BIRC6: variants seen among roughly 807,000 people sequenced by gnomAD.
The protein encoded by BIRC6 is dual E2 ubiquitin-conjugating enzyme/E3 ubiquitin-protein ligase BIRC6.
In BIRC6, 98 loss-of-function variants were observed where a neutral mutation model predicts 503.3. The ratio of observed to expected loss-of-function variants is 0.19; its 90% CI spans 0.17 to 0.23. BIRC6 has a LOEUF of 0.23. BIRC6 is among the 10% of genes least tolerant of loss of function. BIRC6 has a pLI of 1.00. For synonymous variants in BIRC6, 2,240 were observed against 2,078.7 expected (o/e 1.08, Z -2.11); for missense variants, 5,360 against 5,806.0 (o/e 0.92, Z 2.50).
At chr2:32,584,430 G>T (rs1488065061) in intron 66 of BIRC6, among the ~76,000 whole-genome samples, 1 of 152,144 alleles carries the variant, frequency 6.6e-6, no homozygotes, top group Admixed American at 6.6e-5. Flanking sequence ...CTGCTTGGGA[G>T]GCTGAGGCAA....
rs749323224 is a variant in BIRC6 at position 32,515,020 on chromosome 2, C to T, written c.10599C>T (p.Pro3533=). 6.2e-7 allele frequency: 1 copy of T among 1,613,608 alleles called. No individual in the cohort carries two copies. The highest frequency in any genetic ancestry group is 1.1e-5 in the South Asian group (1 of 91,048). Residue 3533 remains proline (P), a synonymous_variant, in exon 55 of 74, where the codon CCC becomes CCT. Transcript: ENST00000421745. ...TTTTTAATTGGTCCATGTCTCTTCCCTGCAATATGGTTTTGAAGAAAGCTG... is the reference window on the plus strand; with the variant it reads ...TTTTTAATTGGTCCATGTCTCTTCCTTGCAATATGGTTTTGAAGAAAGCTG... The part of the protein sequence containing the change: ...ELLFNWSMSL[P]CNMVLKKAVD...
At chr2:32,426,029 G>A (rs959341668) in intron 10 of BIRC6, among the ~76,000 whole-genome samples, 3 of 152,204 alleles carry the variant, frequency 2.0e-5, no homozygotes, top group Non-Finnish European at 4.4e-5. Context: ...AGGTCCCATA[G>A]TTCTGAAATA....
At chr2:32,575,050 G>T in intron 65 of BIRC6, 106 bp from the exon 66 acceptor site, 2 of 1,228,092 alleles carry the variant, frequency 1.6e-6, no homozygotes, top group Non-Finnish European at 2.4e-6. Flanking sequence ...GCCCAGCCGG[G>T]TCAGCTGTGG....
In BIRC6 at chr2:32,532,090, G is replaced by A. The variant is rs562965857; in HGVS notation, c.12291+539G>A. ...GAGAGTTGTAAAAACAAAACTTTGT[G>A]TTTGTTGAATGAAGTAGGGGAATTA... is the stretch of plus-strand genomic sequence containing the variant. On this transcript the variant is annotated intron_variant, in intron 61 of 73. Coordinates refer to ENST00000421745, the MANE Select transcript of BIRC6 (RefSeq NM_016252.4). 2.6e-4 allele frequency: 138 copies of A among 528,826 alleles called. 2 individuals carry two copies. The highest frequency in any genetic ancestry group is 1.9e-3 in the South Asian group (136 of 71,380). 32.8% of individuals were successfully genotyped at this position (528,826 alleles called of 1,614,324 possible).
At chr2:32,443,377 C>G (rs1574244007) in intron 19 of BIRC6, 114 bp from the exon 20 acceptor site, 2 of 659,510 alleles carry the variant, frequency 3.0e-6, no homozygotes, top group East Asian at 5.7e-5. Flanking sequence ...GCAGGTTTTT[C>G]TTTTAATCGG....
chr2:32,489,569 T>C (rs924578570), intron 42 of BIRC6, among the ~76,000 whole-genome samples: 13 of 152,174 alleles, frequency 8.5e-5, no homozygotes, highest in Non-Finnish European at 1.8e-4. Flanking sequence ...ACCAGCACTT[T>C]GAGAGGCCGA....
At chr2:32,388,427 A>T (rs1488369560) in intron 3 of BIRC6, among the ~76,000 whole-genome samples, 1 of 151,826 alleles carries the variant, frequency 6.6e-6, no homozygotes, top group Non-Finnish European at 1.5e-5. Flanking sequence ...TAGTAACTGC[A>T]GTCACCAGAT....
intron 71 of BIRC6, 140 bp from the exon 72 acceptor site, chr2:32,607,315 T>C (rs2062541733): frequency 6.8e-6 from 4 of 586,000 alleles, no homozygotes; most frequent in South Asian, 9.4e-5. Context: ...TTCAATGTTA[T>C]AATCATAAAC....
intron 65 of BIRC6, 58 bp from the exon 66 acceptor site, chr2:32,575,098 G>A: frequency 6.4e-7 from 1 of 1,558,860 alleles, no homozygotes; most frequent in Non-Finnish European, 8.8e-7. Context: ...CATTCCTGTG[G>A]ACCTACTTTT....
At chr2:32,366,947 C>G (rs968763636) in intron 1 of BIRC6, among the ~76,000 whole-genome samples, 1 of 152,144 alleles carries the variant, frequency 6.6e-6, no homozygotes, top group African/African-American at 2.4e-5. Flanking sequence ...TGCCACTGCA[C>G]TCCAGCCTAG....
chr2:32,392,781 G>T (rs1382975417), intron 5 of BIRC6, among the ~76,000 whole-genome samples: 5 of 151,586 alleles, frequency 3.3e-5, no homozygotes, highest in African/African-American at 1.2e-4. Flanking sequence ...TGTGCCACTG[G>T]GCCTGGCTAA....
chr2:32,462,323 A>G lies in BIRC6; in HGVS notation c.4754-871A>G, dbSNP rs2048082251. Among the ~76,000 whole-genome samples the G allele has an allele frequency of 2.0e-5, 3 of 152,342 alleles. No individual in the cohort carries two copies. The South Asian group carries it at 6.2e-4, about 32-fold the overall frequency. On this transcript the variant is annotated intron_variant, in intron 23 of 73. Coordinates refer to ENST00000421745, the MANE Select transcript of BIRC6 (RefSeq NM_016252.4). ...TGAAGTTTTTATCCCAGCTTTTCCA[A>G]TATATTTCTCATAAATATTGGAAAA...
At chr2:32,568,378 A>G (rs1423238286) in intron 65 of BIRC6, among the ~76,000 whole-genome samples, 2 of 150,508 alleles carry the variant, frequency 1.3e-5, no homozygotes, top group Non-Finnish European at 3.0e-5. Flanking sequence ...CTGTAATCCC[A>G]GCTGCTCTGG....
In BIRC6 at chr2:32,467,562, T is replaced by C; in HGVS notation, c.5394T>C (p.Pro1798=). The change falls in exon 27 of 74, where the codon CCT becomes CCC. Residue 1798 remains proline (P), a synonymous_variant. Coordinates refer to ENST00000421745, the MANE Select transcript of BIRC6 (RefSeq NM_016252.4). The part of the protein sequence containing the change: ...RRFVTLDFGR[P]ILLTDVLIPT... ...TTGTGACCTTGGATTTTGGGAGGCC[T>C]ATATTGTTGACTGATGTATTGATTC... 2 of 1,613,992 alleles carry C rather than the reference T, an allele frequency of 1.2e-6. No homozygotes were observed. Among genetic ancestry groups the C allele is most frequent in the Non-Finnish European group, 1.7e-6 (2 of 1,179,882 alleles).
chr2:32,527,316 C>T (rs2056358402), intron 59 of BIRC6: 1 of 152,182 alleles, frequency 6.6e-6, no homozygotes, highest in Non-Finnish European at 1.5e-5. Context: ...TCCTTGATAT[C>T]ACCCAATTCA....
Position 32,429,168 on chromosome 2 carries a change from A to G in BIRC6, c.2895A>G (p.Gln965=), listed in dbSNP as rs1331479647. 1.9e-6 allele frequency: 3 copies of G among 1,592,798 alleles called. No individual in the cohort carries two copies. The highest frequency in any genetic ancestry group is 1.7e-4 in the Middle Eastern group (1 of 6,004). Residue 965 remains glutamine (Q), a synonymous_variant, in exon 11 of 74, where the codon CAA becomes CAG. Transcript: ENST00000421745. The part of the protein sequence containing the change: ...CTKGGELHFL[Q]IGGTCDDIDE... Reference sequence around the variant, plus strand: ...TAGGTGGTGAGCTTCATTTTCTCCAAATTGGAGGAACCTGTGATGATATTG... The same window carrying G: ...TAGGTGGTGAGCTTCATTTTCTCCAGATTGGAGGAACCTGTGATGATATTG...
intron 47 of BIRC6, among the ~76,000 whole-genome samples, chr2:32,502,309 G>A (rs2053288557): frequency 6.6e-6 from 1 of 151,940 alleles, no homozygotes; most frequent in Non-Finnish European, 1.5e-5. Flanking sequence ...AAAGAAAATA[G>A]GTTACAAAAT....
intron 66 of BIRC6, among the ~76,000 whole-genome samples, chr2:32,578,680 C>T (rs1394614374): frequency 6.6e-6 from 1 of 151,742 alleles, no homozygotes; most frequent in Admixed American, 6.6e-5. Flanking sequence ...CCTGTAATCC[C>T]AGGAACTTGG....
intron 69 of BIRC6, 138 bp from the exon 70 acceptor site, chr2:32,599,601 G>A: frequency 3.8e-6 from 3 of 786,632 alleles, no homozygotes; most frequent in East Asian, 2.7e-5. Context: ...TTGCGCCACT[G>A]CACTCCAGCC....
Sources: gnomAD v4.1 joint callset for allele counts (sites outside exome capture counted in the v4.1 genomes callset) on GRCh38, gnomAD v4.1.1 for gene constraint, MANE v1.5 for transcripts, NCBI Gene and HGNC (gene_info 2026-07-23, HGNC 2026-07-21) for gene names.